The following GRID1 variants were observed in gnomAD, a reference collection of about 807,000 sequenced individuals.
GRID1 encodes glutamate receptor ionotropic, delta-1.
A neutral mutation model predicts 98.0 loss-of-function variants in GRID1; 28 were observed. That is an observed-to-expected ratio of 0.29 (90% CI 0.21 to 0.39). The LOEUF is 0.39. GRID1 is among the 10% of genes least tolerant of loss of function. The pLI is 1.00. For missense variants in GRID1, 1,111 were observed against 1,340.5 expected, an observed-to-expected ratio of 0.83 and a Z score of 2.67; for synonymous variants, 553 against 538.5, an observed-to-expected ratio of 1.03 and a Z score of -0.37.
intron 12 of GRID1, among the ~76,000 whole-genome samples, chr10:85,656,234 C>T (rs1161311388): frequency 6.6e-6 from 1 of 152,188 alleles, no homozygotes; most frequent in African/African-American, 2.4e-5. Flanking sequence ...TGACAGGTAG[C>T]ACTCTCCTAG....
chr10:85,815,125 T>A (rs1233345957), intron 8 of GRID1, among the ~76,000 whole-genome samples: 1 of 152,018 alleles, frequency 6.6e-6, no homozygotes, highest in South Asian at 2.1e-4. Flanking sequence ...ATTCGCCATA[T>A]GATCACACTG....
At position 86,365,460 on chromosome 10, in the gene GRID1, C is replaced by T. The variant is rs1848662999; in HGVS notation, c.79+854G>A. On this transcript the variant is annotated intron_variant, in intron 1 of 15. Coordinates refer to ENST00000327946, the MANE Select transcript of GRID1 (RefSeq NM_017551.3). The surrounding 1 kb of genome is among the most constrained non-coding windows in gnomAD (Gnocchi z 4.8). Reference sequence around the variant, plus strand: ...CACTCCCCCTCGGCGCGCCCACTCCCCCTCGGCGCGCCCCCTCCTCCTCTG... The same window carrying T: ...CACTCCCCCTCGGCGCGCCCACTCCTCCTCGGCGCGCCCCCTCCTCCTCTG... Among the ~76,000 whole-genome samples, 1 of 151,744 alleles carries T rather than the reference C, an allele frequency of 6.6e-6. No homozygotes were observed. Among genetic ancestry groups the T allele is most frequent in the South Asian group, 2.1e-4 (1 of 4,786 alleles).
At chr10:85,831,894 G>A (rs1392504997) in intron 8 of GRID1, among the ~76,000 whole-genome samples, 1 of 151,248 alleles carries the variant, frequency 6.6e-6, no homozygotes, top group Non-Finnish European at 1.5e-5. Context: ...ATAGCAAGAA[G>A]CCAGAAAAAA....
intron 8 of GRID1, among the ~76,000 whole-genome samples, chr10:85,846,477 T>C (rs1843008329): frequency 6.6e-6 from 1 of 152,204 alleles, no homozygotes; most frequent in South Asian, 2.1e-4. Flanking sequence ...TGAGCCATGA[T>C]TGTGCCACTG....
At chr10:85,739,636 T>C (rs1213483773) in intron 8 of GRID1, among the ~76,000 whole-genome samples, 4 of 152,088 alleles carry the variant, frequency 2.6e-5, no homozygotes, top group African/African-American at 7.2e-5. Context: ...TCAATTTTAG[T>C]ACTCTCAGGT....
chr10:86,145,422 C>T (rs190573652), intron 3 of GRID1, among the ~76,000 whole-genome samples: 10 of 152,236 alleles, frequency 6.6e-5, no homozygotes, highest in African/African-American at 2.4e-4. Context: ...GGGGTTTCAC[C>T]ATGCCTAACA....
intron 2 of GRID1, among the ~76,000 whole-genome samples, chr10:86,343,311 C>G (rs1196422508): frequency 6.6e-6 from 1 of 152,164 alleles, no homozygotes; most frequent in Non-Finnish European, 1.5e-5. Context: ...AAGAAGATTT[C>G]AAAGCCCATT....
At chr10:85,910,851 G>A (rs994191087) in intron 5 of GRID1, among the ~76,000 whole-genome samples, 1 of 152,194 alleles carries the variant, frequency 6.6e-6, no homozygotes, top group African/African-American at 2.4e-5. Flanking sequence ...CCCTACTGGG[G>A]AAATACAGAA....
At chr10:86,200,550 G>C (rs1281015917) in intron 3 of GRID1, among the ~76,000 whole-genome samples, 3 of 152,206 alleles carry the variant, frequency 2.0e-5, no homozygotes, top group Non-Finnish European at 4.4e-5. Context: ...CCTCCATATA[G>C]AGAGGGAGGT....
At chr10:85,634,467 G>C (rs1182733395) in intron 13 of GRID1, among the ~76,000 whole-genome samples, 1 of 152,008 alleles carries the variant, frequency 6.6e-6, no homozygotes, top group Non-Finnish European at 1.5e-5. Flanking sequence ...ATGATGACAA[G>C]ATAATGATGA....
chr10:86,018,504 C>T (rs975928644), intron 4 of GRID1, among the ~76,000 whole-genome samples: 1 of 152,228 alleles, frequency 6.6e-6, no homozygotes, highest in African/African-American at 2.4e-5. Flanking sequence ...GCATGACAAC[C>T]TGTCTCTCAC....
intron 4 of GRID1, among the ~76,000 whole-genome samples, chr10:85,945,336 G>C (rs1415154094): frequency 4.6e-5 from 7 of 152,194 alleles, no homozygotes. Context: ...GTCCAGCAAT[G>C]TAATTGAAAA....
At chr10:86,042,024 T>A (rs1564657523) in intron 4 of GRID1, among the ~76,000 whole-genome samples, 1 of 152,076 alleles carries the variant, frequency 6.6e-6, no homozygotes, top group Non-Finnish European at 1.5e-5. Context: ...CCCTCTTGCT[T>A]AGTGGCAGCC....
chr10:86,186,426 A>T (rs902555681), intron 3 of GRID1, among the ~76,000 whole-genome samples: 1 of 151,866 alleles, frequency 6.6e-6, no homozygotes, highest in Non-Finnish European at 1.5e-5. Flanking sequence ...TTCCACTCTA[A>T]TCTTCATTTA....
At chr10:86,098,965 C>T (rs949925022) in intron 4 of GRID1, among the ~76,000 whole-genome samples, 58 of 152,242 alleles carry the variant, frequency 3.8e-4, no homozygotes, top group African/African-American at 1.3e-3. Context: ...AATTTCAGAC[C>T]TAAAGAGCAC....
chr10:85,691,155 C>T (rs1038448668), intron 12 of GRID1, among the ~76,000 whole-genome samples: 1 of 152,158 alleles, frequency 6.6e-6, no homozygotes, highest in Non-Finnish European at 1.5e-5. Context: ...TGTGCTAACA[C>T]ACAAAAAAAT....
At chr10:86,303,156 G>C (rs1847714464) in intron 2 of GRID1, among the ~76,000 whole-genome samples, 1 of 152,158 alleles carries the variant, frequency 6.6e-6, no homozygotes, top group Non-Finnish European at 1.5e-5. Flanking sequence ...AATTTTTAGG[G>C]ATGCATACTT....
chr10:86,161,307 C>G (rs1234300823), intron 3 of GRID1, among the ~76,000 whole-genome samples: 2 of 152,028 alleles, frequency 1.3e-5, no homozygotes, highest in African/African-American at 2.4e-5. Flanking sequence ...GTTTCTGAAG[C>G]CTGCATAGGG....
At chr10:85,867,914 G>A (rs774407430) in intron 6 of GRID1, among the ~76,000 whole-genome samples, 1 of 152,140 alleles carries the variant, frequency 6.6e-6, no homozygotes, top group African/African-American at 2.4e-5. Context: ...CCACATATGA[G>A]ATTATAGAGT....
Sources: gnomAD v4.1 joint callset for allele counts (sites outside exome capture counted in the v4.1 genomes callset) on GRCh38, gnomAD v4.1.1 for gene constraint, Gnocchi (gnomAD v3.1) non-coding constraint, MANE v1.5 for transcripts, NCBI Gene and HGNC (gene_info 2026-07-23, HGNC 2026-07-21) for gene names.